The following SPATA17 variants were observed in gnomAD, a reference collection of about 807,000 sequenced individuals.
SPATA17 encodes spermatogenesis-associated protein 17.
Under a neutral mutation model 62.2 loss-of-function variants are expected in SPATA17, and 53 were observed. That is an observed-to-expected ratio of 0.85 (90% confidence interval 0.68 to 1.07). The LOEUF (loss-of-function observed/expected upper bound fraction) is 1.07. SPATA17 is among the 50% of genes least tolerant of loss of function. SPATA17 has a pLI of 0.00. For missense variants in SPATA17, 466 were observed against 425.5 expected (o/e 1.10, Z -0.84); for synonymous variants, 146 against 146.8 (o/e 0.99, Z 0.04).
At chr1:217,723,862 A>G (rs113240446) in intron 5 of SPATA17, among the ~76,000 whole-genome samples, 132 of 152,328 alleles carry the variant, frequency 8.7e-4, no homozygotes, top group Non-Finnish European at 1.6e-3. Context: ...TTCCCAGGCA[A>G]TCACCACAGT....
intron 9 of SPATA17, among the ~76,000 whole-genome samples, chr1:217,846,945 C>T (rs182982500): frequency 9.2e-5 from 14 of 152,004 alleles, no homozygotes; most frequent in Non-Finnish European, 1.8e-4. Flanking sequence ...ATACATTGGT[C>T]AGCAAAAATA....
chr1:217,669,933 A>T (rs1288352842), intron 4 of SPATA17, among the ~76,000 whole-genome samples: 2 of 152,112 alleles, frequency 1.3e-5, no homozygotes, highest in African/African-American at 2.4e-5. Context: ...TAGTCTAGCC[A>T]GCTCACTCTA....
chr1:217,756,348 T>C (rs1382098664), intron 6 of SPATA17, among the ~76,000 whole-genome samples: 2 of 151,892 alleles, frequency 1.3e-5, no homozygotes, highest in Admixed American at 6.6e-5. Context: ...ACAAATCTTA[T>C]ATACCAAGAA....
At chr1:217,832,317 G>C (rs10495078) in intron 9 of SPATA17, among the ~76,000 whole-genome samples, 1 of 152,050 alleles carries the variant, frequency 6.6e-6, no homozygotes, top group African/African-American at 2.4e-5. Flanking sequence ...CCAGAAAACA[G>C]TGGTAGACTA....
intron 5 of SPATA17, among the ~76,000 whole-genome samples, chr1:217,717,266 A>G (rs1672025664): frequency 6.6e-6 from 1 of 152,150 alleles, no homozygotes; most frequent in African/African-American, 2.4e-5. Context: ...AAAGAAACAG[A>G]ACTTAAAATG....
At chr1:217,759,249 A>G (rs1452233590) in intron 6 of SPATA17, among the ~76,000 whole-genome samples, 3 of 152,206 alleles carry the variant, frequency 2.0e-5, no homozygotes, top group Admixed American at 2.0e-4. Context: ...ACCCAAGGTC[A>G]GGAGTTCGAG....
At chr1:217,652,231 T>C (rs887742462) in intron 3 of SPATA17, among the ~76,000 whole-genome samples, 1 of 152,162 alleles carries the variant, frequency 6.6e-6, no homozygotes, top group Non-Finnish European at 1.5e-5. Flanking sequence ...CTGAGTATAG[T>C]ATGTCTTTTT....
In SPATA17 at chr1:217,703,960, T is replaced by A. The variant is rs190144104; in HGVS notation, c.395+20599T>A. Among the ~76,000 whole-genome samples, 245 of 152,276 alleles carry A rather than the reference T, an allele frequency of 1.6e-3. 1 individual carries two copies. The highest frequency in any genetic ancestry group is 5.7e-3 in the African/African-American group (237 of 41,586). On this transcript the variant is annotated intron_variant, in intron 5 of 10. Transcript: ENST00000366933. ...ATTTTCAATGAATATATGTTTAAAA[T>A]TTTTTGGGGGTGGGGCTCTTTTAAT...
chr1:217,800,878 G>A (rs376215219), intron 8 of SPATA17, among the ~76,000 whole-genome samples: 2 of 152,146 alleles, frequency 1.3e-5, no homozygotes, highest in Admixed American at 6.5e-5. Context: ...ATTTCAGTGT[G>A]TTTTGGTGAG....
intron 8 of SPATA17, among the ~76,000 whole-genome samples, chr1:217,796,235 C>G (rs571423877): frequency 2.0e-5 from 3 of 152,162 alleles, no homozygotes; most frequent in African/African-American, 7.2e-5. Context: ...CGGCCTTTAA[C>G]TTTAGTATCT....
intron 5 of SPATA17, among the ~76,000 whole-genome samples, chr1:217,722,598 C>G (rs1342094475): frequency 2.0e-5 from 3 of 152,104 alleles, no homozygotes; most frequent in Non-Finnish European, 4.4e-5. Flanking sequence ...TATTGTCTTA[C>G]TATGTATATT....
Position 217,846,750 on chromosome 1 carries a change from A to C in SPATA17, c.1006-16024A>C, listed in dbSNP as rs1052332120. 2.6e-5 allele frequency among the ~76,000 whole-genome samples: 4 copies of C among 152,052 alleles called. No homozygotes were observed. The East Asian group carries it at 5.8e-4, about 22-fold the overall frequency. On this transcript the variant is annotated intron_variant, in intron 9 of 10. Coordinates refer to ENST00000366933, the MANE Select transcript of SPATA17 (RefSeq NM_138796.4). ...TATTGAATTACTTTTAAGTTTTTAT[A>C]AAAAGGGCTTTATTAAATAAGATAA...
Position 217,745,642 on chromosome 1 carries a change from T to C in SPATA17, c.519+3544T>C, listed in dbSNP as rs550492595. On this transcript the variant is annotated intron_variant, in intron 6 of 10. Transcript: ENST00000366933. ...AAACATGAATCTTAACTTAAACTTA[T>C]CAGTTAATCACTTCCAATAATATTT... Among the ~76,000 whole-genome samples, 149 of 152,208 alleles carry C rather than the reference T, an allele frequency of 9.8e-4. 1 individual carries two copies. The highest frequency in any genetic ancestry group is 3.3e-3 in the African/African-American group (139 of 41,552).
At chr1:217,701,087 G>A (rs1402921859) in intron 5 of SPATA17, among the ~76,000 whole-genome samples, 1 of 151,556 alleles carries the variant, frequency 6.6e-6, no homozygotes, top group Admixed American at 6.6e-5. Flanking sequence ...TGATTCTTGT[G>A]TCTTAGCCTG....
chr1:217,714,632 CG>C (rs1265137131), intron 5 of SPATA17, among the ~76,000 whole-genome samples: 1 of 151,590 alleles, frequency 6.6e-6, no homozygotes, highest in East Asian at 2.0e-4. Context: ...TACAGGTTCC[CG>C]CCAGCACGCC....
chr1:217,857,552 C>T (rs190301065), intron 9 of SPATA17, among the ~76,000 whole-genome samples: 6 of 152,236 alleles, frequency 3.9e-5, no homozygotes, highest in Admixed American at 1.3e-4. Context: ...AAAGCAGTTC[C>T]CCAACCCCCA....
intron 9 of SPATA17, among the ~76,000 whole-genome samples, chr1:217,826,958 T>C (rs10735493): frequency 1 from 151,987 of 152,192 alleles, 75,893 homozygotes; most frequent in East Asian, 1. Context: ...GTAAACAGCA[T>C]ACGCTTTAGC....
chr1:217,633,301 A>T (rs536445976), intron 1 of SPATA17, among the ~76,000 whole-genome samples: 1 of 152,190 alleles, frequency 6.6e-6, no homozygotes, highest in East Asian at 1.9e-4. Flanking sequence ...CTGATTATAT[A>T]TGAGGGATTG....
chr1:217,760,406 G>A (rs745438599), intron 6 of SPATA17, among the ~76,000 whole-genome samples: 1 of 152,028 alleles, frequency 6.6e-6, no homozygotes, highest in Non-Finnish European at 1.5e-5. Context: ...TCACAAAATG[G>A]CAGGTATAAT....
Sources: gnomAD v4.1 joint callset for allele counts (sites outside exome capture counted in the v4.1 genomes callset) on GRCh38, gnomAD v4.1.1 for gene constraint, MANE v1.5 for transcripts, NCBI Gene and HGNC (gene_info 2026-07-23, HGNC 2026-07-21) for gene names.